The following C2orf76 variants were observed in gnomAD, a reference collection of about 807,000 sequenced individuals.
C2orf76 encodes UPF0538 protein C2orf76.
Under a neutral mutation model 16.9 loss-of-function variants are expected in C2orf76, and 23 were observed. The observed-to-expected ratio is 1.36, with a 90% CI of 0.98 to 1.93. The LOEUF is 1.93. Ranked by LOEUF, C2orf76 falls within the 30% of genes most tolerant of loss-of-function variation. The probability of loss-of-function intolerance (pLI) is 0.00; values close to 1 mark genes in which losing one functional copy is unlikely to be tolerated. For synonymous variants in C2orf76, 48 were observed against 52.3 expected, an observed-to-expected ratio of 0.92 and a Z score of 0.35; for missense variants, 152 against 152.6, an observed-to-expected ratio of 1.00 and a Z score of 0.02.
chr2:119,347,479 A>G (rs1680242328), intron 1 of C2orf76, among the ~76,000 whole-genome samples: 1 of 152,328 alleles, frequency 6.6e-6, no homozygotes, highest in Middle Eastern at 3.4e-3. Flanking sequence ...TTAAGTCCTT[A>G]TCTTAAAAGA....
intron 3 of C2orf76, among the ~76,000 whole-genome samples, chr2:119,320,100 A>C (rs1679296575): frequency 6.6e-6 from 1 of 152,236 alleles, no homozygotes; most frequent in South Asian, 2.1e-4. Context: ...ATCTACCACA[A>C]TAATGCTTAG....
intron 1 of C2orf76, among the ~76,000 whole-genome samples, chr2:119,362,294 A>G (rs1048021858): frequency 6.6e-6 from 1 of 152,194 alleles, no homozygotes; most frequent in African/African-American, 2.4e-5. Flanking sequence ...GTAGGCTATT[A>G]ATAGTTAAGT....
chr2:119,283,315 G>A, the C2orf76 span, among the ~76,000 whole-genome samples: 1 of 152,162 alleles, frequency 6.6e-6, no homozygotes, highest in Non-Finnish European at 1.5e-5. Flanking sequence ...GCCTCTCAGT[G>A]CTGCACCCCC....
chr2:119,283,695 G>A, the C2orf76 span, among the ~76,000 whole-genome samples: 4 of 151,990 alleles, frequency 2.6e-5, no homozygotes, highest in Non-Finnish European at 4.4e-5. Context: ...GCCTGGTCTT[G>A]AACTCCTGAC....
intron 1 of C2orf76, among the ~76,000 whole-genome samples, chr2:119,363,264 A>C (rs1680803496): frequency 6.6e-6 from 1 of 152,032 alleles, no homozygotes; most frequent in Non-Finnish European, 1.5e-5. Flanking sequence ...CTCTACCCAA[A>C]ATACAAAAAA....
downstream of C2orf76, among the ~76,000 whole-genome samples, chr2:119,299,504 A>G (rs181210166): frequency 4.6e-5 from 7 of 152,334 alleles, no homozygotes; most frequent in East Asian, 1.3e-3. Flanking sequence ...TATTTATTGT[A>G]AACACAACAG....
At chr2:119,310,931 C>T (rs754603406) in intron 5 of C2orf76, among the ~76,000 whole-genome samples, 4 of 152,138 alleles carry the variant, frequency 2.6e-5, no homozygotes, top group South Asian at 2.1e-4. Context: ...ACACTGCATC[C>T]GTCACCAACC....
rs115358309 is a variant in C2orf76, at chr2:119,341,614, C to T, written c.-12-1643G>A. Among the ~76,000 whole-genome samples, 622 of 152,222 alleles carry T rather than the reference C, an allele frequency of 4.1e-3. 7 individuals are homozygous for T. Among genetic ancestry groups the T allele is most frequent in the Middle Eastern group, 0.014 (4 of 294 alleles). On this transcript the variant is annotated intron_variant, in intron 1 of 5. Coordinates refer to ENST00000334816, the MANE Select transcript of C2orf76 (RefSeq NM_001322331.2). Reference sequence around the variant, plus strand: ...CATTCACTTTCTGAAGTATCAAAAACGCATTTGTTTTAAAGATACGAGCAG... The same window carrying T: ...CATTCACTTTCTGAAGTATCAAAAATGCATTTGTTTTAAAGATACGAGCAG...
At chr2:119,363,296 C>A (rs1256488464) in intron 1 of C2orf76, among the ~76,000 whole-genome samples, 2 of 151,948 alleles carry the variant, frequency 1.3e-5, no homozygotes, top group African/African-American at 2.4e-5. Context: ...TGGTGGCGGG[C>A]ACCCATAGTC....
chr2:119,333,405 CTTATAAA>C (rs951106926), intron 2 of C2orf76, among the ~76,000 whole-genome samples: 12 of 152,304 alleles, frequency 7.9e-5, no homozygotes, highest in African/African-American at 2.6e-4. Flanking sequence ...CCATAGACTA[CTTATAAA>C]TTAGAAAGAC....
At chr2:119,354,168 AT>A (rs1346351975) in intron 1 of C2orf76, among the ~76,000 whole-genome samples, 1 of 152,154 alleles carries the variant, frequency 6.6e-6, no homozygotes, top group African/African-American at 2.4e-5. Context: ...TCTGCTTTAA[AT>A]TTTTTCAAAA....
At chr2:119,349,961 T>A (rs1680331317) in intron 1 of C2orf76, among the ~76,000 whole-genome samples, 1 of 140,720 alleles carries the variant, frequency 7.1e-6, no homozygotes. Flanking sequence ...AGAGCTAGGG[T>A]CTATGTTGTC....
intron 3 of C2orf76, among the ~76,000 whole-genome samples, chr2:119,319,299 T>A (rs1161369689): frequency 6.6e-6 from 1 of 152,170 alleles, no homozygotes; most frequent in African/African-American, 2.4e-5. Flanking sequence ...CAGATTTTTC[T>A]CTCCAACAGA....
chr2:119,289,060 G>A, the C2orf76 span, among the ~76,000 whole-genome samples: 3 of 152,076 alleles, frequency 2.0e-5, no homozygotes, highest in African/African-American at 7.2e-5. Context: ...CAACATGTTG[G>A]AAAGAGAGGA....
intron 4 of C2orf76, among the ~76,000 whole-genome samples, chr2:119,316,441 C>T (rs1047633584): frequency 2.0e-4 from 30 of 152,238 alleles, no homozygotes; most frequent in Non-Finnish European, 2.9e-4. Flanking sequence ...GACTTCTGAC[C>T]TCCAGAATTG....
At chr2:119,322,715 T>C (rs1401727254) in intron 2 of C2orf76, among the ~76,000 whole-genome samples, 1 of 152,156 alleles carries the variant, frequency 6.6e-6, no homozygotes, top group Non-Finnish European at 1.5e-5. Flanking sequence ...GGAAGCTCTC[T>C]ACTAACATGA....
chr2:119,289,930 G>T, the C2orf76 span, among the ~76,000 whole-genome samples: 1 of 151,942 alleles, frequency 6.6e-6, no homozygotes. Context: ...TATTCTGTCT[G>T]CTGCCTTAAA....
intron 2 of C2orf76, among the ~76,000 whole-genome samples, chr2:119,323,775 G>A (rs1305215404): frequency 1.3e-5 from 2 of 152,160 alleles, no homozygotes; most frequent in Non-Finnish European, 2.9e-5. Flanking sequence ...CCATCAAAGG[G>A]GGCTCTGCCA....
At chr2:119,312,146 G>GCAT (rs1193361668) in intron 4 of C2orf76, among the ~76,000 whole-genome samples, 6 of 152,194 alleles carry the variant, frequency 3.9e-5, no homozygotes, top group Non-Finnish European at 7.3e-5. Context: ...TTCTTTTGCT[G>GCAT]CATCATCATC....
Sources: allele counts gnomAD v4.1 joint callset (sites outside exome capture counted in the v4.1 genomes callset), GRCh38; gene constraint gnomAD v4.1.1; transcripts MANE v1.5; gene names NCBI Gene and HGNC (gene_info 2026-07-23, HGNC 2026-07-21).